The following HLF variants were observed in gnomAD, a reference collection of about 807,000 sequenced individuals.
HLF encodes hepatic leukemia factor.
In HLF, 3 loss-of-function variants were observed where a neutral mutation model predicts 22.6. The ratio of observed to expected loss-of-function variants is 0.13; its 90% CI spans 0.06 to 0.34. The LOEUF is 0.34. Among genes scored for constraint, HLF ranks in the 10% least tolerant of loss-of-function variants. The probability of loss-of-function intolerance (pLI) is 1.00; values close to 1 mark genes in which losing one functional copy is unlikely to be tolerated. For synonymous variants in HLF, 151 were observed against 151.8 expected, an observed-to-expected ratio of 0.99 and a Z score of 0.04; for missense variants, 299 against 389.2, an observed-to-expected ratio of 0.77 and a Z score of 1.95.
intron 2 of HLF, among the ~76,000 whole-genome samples, chr17:55,281,997 A>G (rs1405474821): frequency 6.6e-6 from 1 of 151,810 alleles, no homozygotes; most frequent in Non-Finnish European, 1.5e-5. Context: ...ATTTGGAATC[A>G]GGGGTCTACT....
intron 2 of HLF, among the ~76,000 whole-genome samples, chr17:55,278,457 C>G (rs2080925483): frequency 6.6e-6 from 1 of 152,174 alleles, no homozygotes; most frequent in African/African-American, 2.4e-5. Flanking sequence ...TCACTGCTCT[C>G]TAAGTGCTTC....
At chr17:55,298,644 C>G (rs2081130395) in intron 2 of HLF, among the ~76,000 whole-genome samples, 2 of 152,172 alleles carry the variant, frequency 1.3e-5, no homozygotes, top group Admixed American at 1.3e-4. Flanking sequence ...ATCTGTATGA[C>G]TGTAAAGCAA....
At chr17:55,303,373 G>A (rs771786488) in intron 2 of HLF, among the ~76,000 whole-genome samples, 1 of 152,144 alleles carries the variant, frequency 6.6e-6, no homozygotes, top group Non-Finnish European at 1.5e-5. Flanking sequence ...CTAACCTCCC[G>A]TTTTCCAGGT....
intron 2 of HLF, chr17:55,273,425 T>C (rs1031874469): frequency 6.6e-6 from 1 of 152,210 alleles, no homozygotes. Flanking sequence ...TATTTAGGGA[T>C]TTATTTATCC....
chr17:55,281,571 G>A (rs1205230725), intron 2 of HLF, among the ~76,000 whole-genome samples: 2 of 152,204 alleles, frequency 1.3e-5, no homozygotes, highest in African/African-American at 2.4e-5. Context: ...TTATAAAAGA[G>A]TGAACACAAT....
At chr17:55,288,413 G>C (rs974950374) in intron 2 of HLF, among the ~76,000 whole-genome samples, 1 of 152,116 alleles carries the variant, frequency 6.6e-6, no homozygotes, top group African/African-American at 2.4e-5. Context: ...TTCCCAAAGT[G>C]CTGGGATTGC....
chr17:55,295,758 C>T (rs2081106446), intron 2 of HLF, among the ~76,000 whole-genome samples: 1 of 152,210 alleles, frequency 6.6e-6, no homozygotes, highest in Non-Finnish European at 1.5e-5. Context: ...AAATGCCTCA[C>T]ATGGCTGATG....
intron 2 of HLF, among the ~76,000 whole-genome samples, chr17:55,281,954 T>G (rs2080959186): frequency 6.6e-6 from 1 of 152,160 alleles, no homozygotes; most frequent in African/African-American, 2.4e-5. Flanking sequence ...CGGCACGTGA[T>G]TGTGGGGCCC....
At chr17:55,270,723 C>G (rs934795241) in intron 2 of HLF, among the ~76,000 whole-genome samples, 9 of 145,706 alleles carry the variant, frequency 6.2e-5, no homozygotes, top group Non-Finnish European at 1.0e-4. Flanking sequence ...TGCAGTGGCG[C>G]GATCTCAGCT....
rs1241220713 is a variant in HLF at position 55,283,485 on chromosome 17, C to T, written c.451+15399C>T. ...GGAAGATCCTTTAGTAGTTGTCCTT[C>T]TACTGGGCAGCAGATCAAGGACTCA... On this transcript the variant is annotated intron_variant, in intron 2 of 3. Coordinates refer to ENST00000226067, the MANE Select transcript of HLF (RefSeq NM_002126.5). 3 of 152,398 alleles carry T rather than the reference C, an allele frequency of 2.0e-5. No homozygotes were observed. The East Asian group carries it at 5.8e-4, about 29-fold the overall frequency. The allele number at this position is 152,398 out of a possible 1,614,324, so 9.4% of individuals were successfully genotyped here.
At chr17:55,318,966 G>C (rs945042796) in intron 3 of HLF, 1 of 152,528 alleles carries the variant, frequency 6.6e-6, no homozygotes, top group Admixed American at 6.5e-5. Flanking sequence ...CAACAAATTC[G>C]GCCAACAACC....
chr17:55,278,513 A>G (rs892457306), intron 2 of HLF, among the ~76,000 whole-genome samples: 1 of 141,860 alleles, frequency 7.0e-6, no homozygotes, highest in African/African-American at 2.7e-5. Flanking sequence ...TTTGTACCCA[A>G]TAAATGCCTC....
rs1170037578 is a variant in HLF at position 55,323,675 on chromosome 17, C to T, written c.*2796C>T. The T allele has an allele frequency of 1.0e-4, 23 of 230,048 alleles. No individual in the cohort carries two copies. Among genetic ancestry groups the T allele is most frequent in the Non-Finnish European group, 1.9e-4 (22 of 115,874 alleles). 14.3% of individuals were successfully genotyped at this position (230,048 alleles called of 1,614,324 possible). A position where few individuals can be genotyped will look rare whatever the true frequency, so the allele number is the denominator to read the frequency against. On this transcript the variant is annotated 3_prime_UTR_variant, in exon 4 of 4. Coordinates refer to ENST00000226067, the MANE Select transcript of HLF (RefSeq NM_002126.5). ...AACACTCCCTCTGGACTGGCTGCCT[C>T]TCCATCCAGGGCAGTTAACTAGCAA... is the stretch of plus-strand genomic sequence containing the variant.
intron 2 of HLF, among the ~76,000 whole-genome samples, chr17:55,270,810 A>AT (rs762734420): frequency 1.1e-4 from 16 of 151,622 alleles, no homozygotes; most frequent in Non-Finnish European, 2.1e-4. Flanking sequence ...CGCCCGGCTA[A>AT]TTTTTGTATT....
At chr17:55,294,992 G>A (rs974660865) in intron 2 of HLF, among the ~76,000 whole-genome samples, 8 of 152,192 alleles carry the variant, frequency 5.3e-5, no homozygotes, top group African/African-American at 1.9e-4. Context: ...TTCATCATTA[G>A]TATGGGTATT....
In HLF at chr17:55,324,298, C is replaced by CA. The variant is rs1905374890; in HGVS notation, c.*3420dup. Reference sequence around the variant, plus strand: ...TAACCCACTGGTTTGGTGGGGAACTCACAGTAATTCCAAATGTACAATCAG... The same window carrying CA: ...TAACCCACTGGTTTGGTGGGGAACTCAACAGTAATTCCAAATGTACAATCAG... On this transcript the variant is annotated 3_prime_UTR_variant, in exon 4 of 4. Coordinates refer to ENST00000226067, the MANE Select transcript of HLF (RefSeq NM_002126.5). The CA allele has an allele frequency of 4.4e-6, 1 of 227,410 alleles. No individual in the cohort carries two copies. Among genetic ancestry groups the CA allele is most frequent in the Admixed American group, 5.7e-5 (1 of 17,576 alleles). 14.1% of individuals were successfully genotyped at this position (227,410 alleles called of 1,614,324 possible).
At chr17:55,307,637 T>C (rs1904642367) in intron 2 of HLF, among the ~76,000 whole-genome samples, 2 of 152,156 alleles carry the variant, frequency 1.3e-5, no homozygotes, top group African/African-American at 4.8e-5. Flanking sequence ...AAGTCCCTGT[T>C]AGGATCTGGG....
chr17:55,276,687 A>G (rs1489405668), intron 2 of HLF, among the ~76,000 whole-genome samples: 1 of 152,128 alleles, frequency 6.6e-6, no homozygotes, highest in African/African-American at 2.4e-5. Flanking sequence ...AGTCAGGGAG[A>G]TGAGTCAGAG....
chr17:55,279,571 A>G (rs10445343), intron 2 of HLF, among the ~76,000 whole-genome samples: 3,613 of 151,990 alleles, frequency 0.024, 74 homozygotes, highest in Non-Finnish European at 0.038. Flanking sequence ...CCATCTCTAC[A>G]TTATATATAT....
Sources: gnomAD v4.1 joint callset for allele counts (sites outside exome capture counted in the v4.1 genomes callset) on GRCh38, gnomAD v4.1.1 for gene constraint, MANE v1.5 for transcripts, NCBI Gene and HGNC (gene_info 2026-07-23, HGNC 2026-07-21) for gene names.